PDE4D: variants seen among roughly 807,000 people sequenced by gnomAD.
PDE4D encodes 3',5'-cyclic-AMP phosphodiesterase 4D.
PDE4D carries 24 observed loss-of-function variants against 87.4 expected under a neutral mutation model. The ratio of observed to expected loss-of-function variants is 0.27; its 90% CI spans 0.20 to 0.39. The LOEUF (loss-of-function observed/expected upper bound fraction) is 0.39, where lower values mean the gene tolerates loss of function less well. PDE4D is among the 10% of genes least tolerant of loss of function. The pLI is 1.00. For synonymous variants in PDE4D, 384 were observed against 383.2 expected, an observed-to-expected ratio of 1.00 and a Z score of -0.02; for missense variants, 714 against 1,041.0, an observed-to-expected ratio of 0.69 and a Z score of 4.32.
intron 1 of PDE4D, among the ~76,000 whole-genome samples, chr5:60,465,984 A>C (rs1747324509): frequency 6.6e-6 from 1 of 152,188 alleles, no homozygotes; most frequent in Non-Finnish European, 1.5e-5. Context: ...AATGCATGTA[A>C]TTTCACACCA....
chr5:60,132,166 T>C (rs568830287), intron 2 of PDE4D, among the ~76,000 whole-genome samples: 1 of 152,304 alleles, frequency 6.6e-6, no homozygotes, highest in South Asian at 2.1e-4. Flanking sequence ...ACTAAGTTAA[T>C]GAGTATTTAT....
chr5:59,703,985 A>T (rs560421027), intron 1 of PDE4D, among the ~76,000 whole-genome samples: 2 of 152,236 alleles, frequency 1.3e-5, no homozygotes, highest in South Asian at 4.1e-4. Context: ...AAAGTGAGAA[A>T]GTGAGACAGA....
chr5:60,200,679 C>T (rs889017386), intron 1 of PDE4D, among the ~76,000 whole-genome samples: 4 of 152,232 alleles, frequency 2.6e-5, no homozygotes, highest in South Asian at 2.1e-4. Flanking sequence ...ACTCTCCTTG[C>T]TCCCAAATTC....
chr5:60,394,808 A>G (rs1236228413), intron 1 of PDE4D, among the ~76,000 whole-genome samples: 1 of 152,230 alleles, frequency 6.6e-6, no homozygotes, highest in Admixed American at 6.5e-5. Context: ...GGGATGGAGC[A>G]GCAGTAATGA....
At chr5:60,244,744 C>T (rs1747522575) in intron 1 of PDE4D, among the ~76,000 whole-genome samples, 2 of 151,906 alleles carry the variant, frequency 1.3e-5, no homozygotes, top group African/African-American at 4.8e-5. Flanking sequence ...ACTGGATATC[C>T]ATATGCAAAA....
intron 1 of PDE4D, chr5:60,522,014 G>C (rs1295906388): frequency 2.0e-5 from 3 of 152,042 alleles, no homozygotes; most frequent in South Asian, 4.2e-4. Context: ...AAGCTTCGGG[G>C]GCAAGGGGAG....
chr5:59,670,121 A>G (rs1270073213), intron 1 of PDE4D, among the ~76,000 whole-genome samples: 1 of 152,182 alleles, frequency 6.6e-6, no homozygotes, highest in East Asian at 1.9e-4. Flanking sequence ...TAGAGTACAG[A>G]CTAGATTACT....
intron 1 of PDE4D, among the ~76,000 whole-genome samples, chr5:59,243,448 CTTTT>C (rs767287011): frequency 1.4e-4 from 10 of 72,302 alleles, no homozygotes; most frequent in African/African-American, 5.6e-4. Flanking sequence ...TTAAAATAAC[CTTTT>C]TTTTTTTTTT....
At chr5:59,320,997 G>C (rs1401914889) in intron 1 of PDE4D, among the ~76,000 whole-genome samples, 2 of 152,006 alleles carry the variant, frequency 1.3e-5, no homozygotes, top group African/African-American at 2.4e-5. Context: ...TCTAAAGTCG[G>C]TTGCTCTAAA....
At chr5:59,381,978 G>C (rs536191417) in intron 1 of PDE4D, among the ~76,000 whole-genome samples, 114 of 152,208 alleles carry the variant, frequency 7.5e-4, no homozygotes, top group Non-Finnish European at 1.4e-3. Context: ...TTTTGTTCCT[G>C]AAAAGGCATC....
intron 3 of PDE4D, among the ~76,000 whole-genome samples, chr5:59,959,607 G>T (rs1759242071): frequency 6.6e-6 from 1 of 152,118 alleles, no homozygotes; most frequent in South Asian, 2.1e-4. Flanking sequence ...ATAAGCAGGG[G>T]GGAAGGGACT....
At position 59,876,192 on chromosome 5, in the gene PDE4D, T is replaced by C. The variant is rs552439670; in HGVS notation, c.455+16976A>G. ...CCAGGTCTGCATCTAGAGAAAAGGG[T>C]ATATTTTCCACGGTCTGTTGAAAAG... On this transcript the variant is annotated intron_variant, in intron 1 of 14. Transcript: ENST00000340635. 3.9e-5 allele frequency among the ~76,000 whole-genome samples: 6 copies of C among 152,298 alleles called. No individual in the cohort carries two copies. In the South Asian group the frequency reaches 1.2e-3, roughly 32 times the overall value.
chr5:59,050,333 A>G (rs1373753769), intron 5 of PDE4D, among the ~76,000 whole-genome samples: 2 of 152,212 alleles, frequency 1.3e-5, no homozygotes, highest in East Asian at 3.8e-4. Flanking sequence ...GCCCTTTTAA[A>G]CAGGCTATGA....
intron 1 of PDE4D, among the ~76,000 whole-genome samples, chr5:59,656,721 C>T (rs1396469516): frequency 6.6e-6 from 1 of 152,012 alleles, no homozygotes; most frequent in Non-Finnish European, 1.5e-5. Flanking sequence ...TACTTATTGG[C>T]AAGTTAGGGG....
chr5:60,425,550 T>C (rs932438835), intron 1 of PDE4D, among the ~76,000 whole-genome samples: 1 of 150,004 alleles, frequency 6.7e-6, no homozygotes, highest in South Asian at 2.2e-4. Flanking sequence ...GATTAAAGAC[T>C]TAAATGTTAG....
chr5:60,214,074 C>A (rs573331838), intron 1 of PDE4D, among the ~76,000 whole-genome samples: 2 of 152,124 alleles, frequency 1.3e-5, no homozygotes, highest in Non-Finnish European at 2.9e-5. Flanking sequence ...CCATTGCAGA[C>A]GCTCAACTTC....
At chr5:60,161,339 T>C (rs908578416) in intron 2 of PDE4D, among the ~76,000 whole-genome samples, 5 of 152,134 alleles carry the variant, frequency 3.3e-5, no homozygotes, top group African/African-American at 1.2e-4. Flanking sequence ...TTACATTAAC[T>C]TTATCACCCA....
chr5:59,921,378 A>G (rs1754655072), intron 3 of PDE4D, among the ~76,000 whole-genome samples: 1 of 152,168 alleles, frequency 6.6e-6, no homozygotes, highest in African/African-American at 2.4e-5. Context: ...ATAAGGCCTA[A>G]CATTTGAAAT....
intron 1 of PDE4D, among the ~76,000 whole-genome samples, chr5:59,401,974 C>A (rs918758332): frequency 6.6e-6 from 1 of 152,188 alleles, no homozygotes; most frequent in Non-Finnish European, 1.5e-5. Context: ...ACATGTTCTG[C>A]CAACCACCCG....
Sources: gnomAD v4.1 joint callset for allele counts (sites outside exome capture counted in the v4.1 genomes callset) on GRCh38, gnomAD v4.1.1 for gene constraint, MANE v1.5 for transcripts, NCBI Gene and HGNC (gene_info 2026-07-23, HGNC 2026-07-21) for gene names.